ERC2: variants seen among roughly 807,000 people sequenced by gnomAD.
ERC2 encodes the protein ERC protein 2.
ERC2 carries 42 observed loss-of-function variants against 114.8 expected under a neutral mutation model. The ratio of observed to expected loss-of-function variants is 0.37; its 90% confidence interval spans 0.29 to 0.47. ERC2 has a LOEUF of 0.47. ERC2 is among the 20% of genes least tolerant of loss of function. The pLI is 0.99. For synonymous variants in ERC2, 454 were observed against 425.5 expected, an observed-to-expected ratio of 1.07 and a Z score of -0.82; for missense variants, 939 against 1,150.7, an observed-to-expected ratio of 0.82 and a Z score of 2.66.
intron 17 of ERC2, among the ~76,000 whole-genome samples, chr3:55,619,264 G>A (rs2059239322): frequency 6.6e-6 from 1 of 152,144 alleles, no homozygotes; most frequent in Admixed American, 6.5e-5. Context: ...GAAATCCGAA[G>A]GAATTTCTTT....
chr3:56,104,818 T>C (rs2078558920), intron 6 of ERC2, among the ~76,000 whole-genome samples: 1 of 152,084 alleles, frequency 6.6e-6, no homozygotes, highest in Non-Finnish European at 1.5e-5. Flanking sequence ...GTGAACAAAA[T>C]AGTTTTCAGT....
At chr3:55,722,617 T>C (rs1243710401) in intron 15 of ERC2, among the ~76,000 whole-genome samples, 1 of 152,202 alleles carries the variant, frequency 6.6e-6, no homozygotes, top group Non-Finnish European at 1.5e-5. Flanking sequence ...CAGGGAATTG[T>C]CTGTTTTGTT....
At chr3:56,281,203 C>A (rs892465830) in intron 3 of ERC2, among the ~76,000 whole-genome samples, 5 of 151,752 alleles carry the variant, frequency 3.3e-5, no homozygotes, top group African/African-American at 1.2e-4. Context: ...TTTGGGAGGC[C>A]GAGGCGGGCG....
At chr3:56,181,097 A>G (rs879478797) in intron 3 of ERC2, among the ~76,000 whole-genome samples, 19 of 152,218 alleles carry the variant, frequency 1.2e-4, no homozygotes, top group Non-Finnish European at 2.6e-4. Flanking sequence ...AAACTTTATC[A>G]ATGATATTAA....
At chr3:55,603,820 G>A (rs1052267683) in intron 17 of ERC2, among the ~76,000 whole-genome samples, 5 of 151,928 alleles carry the variant, frequency 3.3e-5, no homozygotes, top group Non-Finnish European at 5.9e-5. Context: ...CGGTATACAT[G>A]ATATCCCAAA....
In ERC2 at chr3:56,018,250, A is replaced by G. The variant is rs574119049; in HGVS notation, c.1779+644T>C. On this transcript the variant is annotated intron_variant, in intron 8 of 17. Transcript: ENST00000288221. ...TACAAATGAAGAAACTGAGAGGTTA[A>G]GTAATTTGTCCAAAGTAGAAAGTAT... Among the ~76,000 whole-genome samples the G allele has an allele frequency of 7.2e-4, 110 of 152,318 alleles. 1 individual carries two copies. Among genetic ancestry groups the G allele is most frequent in the African/African-American group, 2.5e-3 (105 of 41,576 alleles).
intron 7 of ERC2, among the ~76,000 whole-genome samples, chr3:56,048,174 A>G (rs1232927872): frequency 2.0e-5 from 3 of 152,226 alleles, no homozygotes; most frequent in Non-Finnish European, 2.9e-5. Flanking sequence ...AAATTACTTC[A>G]GTGTTTTGTC....
At chr3:55,586,487 C>T (rs956708175) in intron 17 of ERC2, among the ~76,000 whole-genome samples, 4 of 152,236 alleles carry the variant, frequency 2.6e-5, no homozygotes, top group Non-Finnish European at 4.4e-5. Context: ...CTAAACTAGT[C>T]ATCGAGTTGG....
At chr3:56,348,072 A>G (rs1002329625) in intron 2 of ERC2, among the ~76,000 whole-genome samples, 2 of 152,166 alleles carry the variant, frequency 1.3e-5, no homozygotes, top group Non-Finnish European at 2.9e-5. Context: ...GTTGTTCTCA[A>G]ATACTACAGC....
intron 17 of ERC2, among the ~76,000 whole-genome samples, chr3:55,663,227 C>CA (rs1470527756): frequency 3.3e-5 from 5 of 152,238 alleles, no homozygotes; most frequent in African/African-American, 1.2e-4. Flanking sequence ...AAAAATTCCC[C>CA]AAAAAACAGA....
chr3:55,675,628 G>A (rs902739876), intron 17 of ERC2, among the ~76,000 whole-genome samples: 3 of 152,152 alleles, frequency 2.0e-5, no homozygotes. Context: ...TTCTGACTCA[G>A]AGCATTACGT....
chr3:55,591,237 C>T (rs1056828475), intron 17 of ERC2, among the ~76,000 whole-genome samples: 1 of 150,372 alleles, frequency 6.7e-6, no homozygotes, highest in Non-Finnish European at 1.5e-5. Flanking sequence ...TGTAGAGCAG[C>T]TGGGAAATCG....
rs79888181 is a variant in ERC2, at chr3:56,298,946, C to T, written c.658-2511G>A. Among the ~76,000 whole-genome samples the T allele has an allele frequency of 2.4e-3, 362 of 152,184 alleles. 1 individual carries two copies. The highest frequency in any genetic ancestry group is 8.4e-3 in the African/African-American group (348 of 41,510). On this transcript the variant is annotated intron_variant, in intron 2 of 17. Transcript: ENST00000288221. ...CTCTACCAACCCGCTGTCCTTAAAC[C>T]ACATTAGAACAGAGTCCACAGGAGT...
At chr3:55,869,523 C>G (rs1216542847) in intron 14 of ERC2, among the ~76,000 whole-genome samples, 4 of 152,098 alleles carry the variant, frequency 2.6e-5, no homozygotes, top group Non-Finnish European at 5.9e-5. Context: ...TTCTGTCCCC[C>G]CTTCTTTACC....
chr3:56,146,769 G>C (rs1345014090), intron 5 of ERC2, among the ~76,000 whole-genome samples: 4 of 151,972 alleles, frequency 2.6e-5, no homozygotes, highest in Non-Finnish European at 5.9e-5. Flanking sequence ...AGCTGGCAAA[G>C]GCAGGCTGGA....
At chr3:56,036,210 C>G (rs1206417851) in intron 7 of ERC2, among the ~76,000 whole-genome samples, 1 of 152,156 alleles carries the variant, frequency 6.6e-6, no homozygotes, top group African/African-American at 2.4e-5. Flanking sequence ...TGTGCCTCAA[C>G]ATAATCAAGG....
At chr3:56,347,577 T>A (rs1366899801) in intron 2 of ERC2, among the ~76,000 whole-genome samples, 2 of 151,964 alleles carry the variant, frequency 1.3e-5, no homozygotes, top group Non-Finnish European at 2.9e-5. Context: ...CCAGCCTCAT[T>A]GTGTTGCCTT....
intron 1 of ERC2, among the ~76,000 whole-genome samples, chr3:56,439,956 T>C (rs1174393248): frequency 1.3e-5 from 2 of 152,238 alleles, no homozygotes; most frequent in Non-Finnish European, 2.9e-5. Flanking sequence ...TCAAAGTGGA[T>C]AGAAATTTTA....
At chr3:55,811,331 A>G (rs190297085) in intron 14 of ERC2, among the ~76,000 whole-genome samples, 173 of 151,842 alleles carry the variant, frequency 1.1e-3, no homozygotes, top group African/African-American at 4.1e-3. Context: ...CCTATCAAAG[A>G]GCTTTTAGGT....
Sources: gnomAD v4.1 joint callset for allele counts (sites outside exome capture counted in the v4.1 genomes callset) on GRCh38, gnomAD v4.1.1 for gene constraint, MANE v1.5 for transcripts, NCBI Gene and HGNC (gene_info 2026-07-23, HGNC 2026-07-21) for gene names.